Variants in TADA3 observed in about 807,000 individuals in gnomAD.
TADA3 encodes transcriptional adaptor 3.
A neutral mutation model predicts 43.2 loss-of-function variants in TADA3; 25 were observed. The ratio of observed to expected loss-of-function variants is 0.58; its 90% CI spans 0.42 to 0.81. The LOEUF is 0.81. Among genes scored for constraint, TADA3 ranks in the 30% least tolerant of loss-of-function variants. TADA3 has a pLI of 0.00. For synonymous variants in TADA3, 235 were observed against 225.5 expected (o/e 1.04, Z -0.38); for missense variants, 441 against 567.8 (o/e 0.78, Z 2.27).
intron 6 of TADA3, among the ~76,000 whole-genome samples, chr3:9,786,652 G>A (rs1033518951): frequency 1.3e-5 from 2 of 152,160 alleles, no homozygotes; most frequent in South Asian, 2.1e-4. Context: ...CCCTCCAACA[G>A]ATGCTTAGCA....
chr3:9,789,969 A>G lies in TADA3; in HGVS notation c.208-6T>C. The G allele has an allele frequency of 6.3e-7, 1 of 1,581,744 alleles. No individual in the cohort carries two copies. The highest frequency in any genetic ancestry group is 8.6e-7 in the Non-Finnish European group (1 of 1,165,246). On this transcript the variant is annotated splice_region_variant and splice_polypyrimidine_tract_variant and intron_variant, in intron 2 of 8. Transcript: ENST00000301964. ...TCCTGCCAGTCGGTGAGGATCTGAA[A>G]TTTACAGAAAGTGTCACTGAGGGGG...
At chr3:9,790,315 G>A (rs770249380) in intron 2 of TADA3, among the ~76,000 whole-genome samples, 11 of 152,216 alleles carry the variant, frequency 7.2e-5, no homozygotes, top group Non-Finnish European at 4.4e-5. Context: ...CAGTTACCCA[G>A]GTTCTTAGAT....
chr3:9,790,419 G>C (rs1442736731), intron 2 of TADA3, among the ~76,000 whole-genome samples: 1 of 152,132 alleles, frequency 6.6e-6, no homozygotes, highest in Non-Finnish European at 1.5e-5. Context: ...GGTCCAGTTG[G>C]CACCTCCTTC....
chr3:9,791,506 G>A lies in TADA3; in HGVS notation c.-27-13C>T, dbSNP rs1468229842. 1.3e-6 allele frequency: 2 copies of A among 1,513,660 alleles called. No homozygotes were observed. Among genetic ancestry groups the A allele is most frequent in the South Asian group, 2.4e-5 (2 of 82,350 alleles). 93.8% of individuals were successfully genotyped at this position (1,513,660 alleles called of 1,614,324 possible). ...GGATCCTGTGGAGCTGGAGAGGACAGGGCCATTGATGGGAGACAAAGTGGT... is the reference window on the plus strand; with the variant it reads ...GGATCCTGTGGAGCTGGAGAGGACAAGGCCATTGATGGGAGACAAAGTGGT... On this transcript the variant is annotated splice_polypyrimidine_tract_variant and intron_variant, in intron 1 of 8. Coordinates refer to ENST00000301964, the MANE Select transcript of TADA3 (RefSeq NM_006354.5).
chr3:9,787,501 T>G, intron 4 of TADA3, 161 bp from the exon 5 acceptor site: 1 of 1,093,032 alleles, frequency 9.1e-7, no homozygotes, highest in African/African-American at 1.6e-5. Flanking sequence ...ATAAAACCTG[T>G]ACTTCACACT....
chr3:9,782,866 T>C (rs2078511924), intron 8 of TADA3, among the ~76,000 whole-genome samples: 2 of 151,768 alleles, frequency 1.3e-5, no homozygotes, highest in African/African-American at 4.8e-5. Flanking sequence ...GACACAGCAC[T>C]TGTCTGTGAG....
At chr3:9,785,487 G>C (rs1368310587) in intron 6 of TADA3, 62 bp from the exon 7 acceptor site, 1 of 1,082,628 alleles carries the variant, frequency 9.2e-7, no homozygotes, top group African/African-American at 1.5e-5. Flanking sequence ...GCTCCTTTCT[G>C]ACCTACACTG....
upstream of TADA3, chr3:9,792,894 G>A: frequency 2.1e-6 from 3 of 1,397,732 alleles, no homozygotes; most frequent in Non-Finnish European, 2.8e-6. Context: ...TCCTGGAGGA[G>A]CTTAAATAGT....
At chr3:9,785,495 C>T (rs1221012970) in intron 6 of TADA3, 70 bp from the exon 7 acceptor site, 16 of 1,045,220 alleles carry the variant, frequency 1.5e-5, no homozygotes, top group Middle Eastern at 2.0e-4. Flanking sequence ...CTGACCTACA[C>T]TGACAGTCTT....
intron 2 of TADA3, 101 bp downstream of exon 2, chr3:9,791,159 C>A: frequency 8.1e-7 from 1 of 1,239,268 alleles, no homozygotes; most frequent in Non-Finnish European, 1.1e-6. Context: ...TCCCCACAAA[C>A]CCCTGTACCC....
Position 9,786,991 on chromosome 3 carries a change from G to A in TADA3, c.810+15C>T. 6.2e-7 allele frequency: 1 copy of A among 1,608,322 alleles called. No homozygotes were observed. The highest frequency in any genetic ancestry group is 8.5e-7 in the Non-Finnish European group (1 of 1,174,904). ...CAAAGTAAATATGGTTCCTCTTTTG[G>A]GTTAGGCTGCTCACCTCCACCAGGG... On this transcript the variant is annotated intron_variant, in intron 6 of 8. Coordinates refer to ENST00000301964, the MANE Select transcript of TADA3 (RefSeq NM_006354.5).
At chr3:9,781,476 G>A (rs1428426944) in intron 8 of TADA3, 1 of 454,444 alleles carries the variant, frequency 2.2e-6, no homozygotes, top group Non-Finnish European at 4.4e-6. Context: ...GGAGCAGGCT[G>A]GGGCCAAACT....
At chr3:9,785,188 G>C in intron 7 of TADA3, 128 bp downstream of exon 7, 1 of 649,730 alleles carries the variant, frequency 1.5e-6, no homozygotes, top group East Asian at 2.7e-5. Flanking sequence ...ACTCACACTT[G>C]AGACTGCTAT....
Position 9,787,050 on chromosome 3 carries a change from G to C in TADA3, c.766C>G (p.Pro256Ala). ...AGGCGCTGCGTCAGGGCACCAAAGG[G>C]GCATCCATCTTCCGGCTGTTCATGC... ...AQHEQPEDGC[P>A]FGALTQRLLQ... The change falls in exon 6 of 9, where the codon CCC becomes GCC. Residue 256 changes from proline to alanine, a missense_variant. By Grantham distance (27) the Pro-to-Ala change is conservative. Transcript: ENST00000301964. 6.2e-7 allele frequency: 1 copy of C among 1,614,184 alleles called. No homozygotes were observed. The highest frequency in any genetic ancestry group is 1.1e-5 in the South Asian group (1 of 91,086).
chr3:9,790,243 G>A (rs568327103), intron 2 of TADA3, among the ~76,000 whole-genome samples: 29 of 152,168 alleles, frequency 1.9e-4, no homozygotes, highest in Non-Finnish European at 3.4e-4. Flanking sequence ...CTGTTTAACA[G>A]AAGAGTCCTC....
At position 9,787,560 on chromosome 3, in the gene TADA3, C is replaced by T; in HGVS notation, c.565-220G>A. 23 of 981,436 alleles carry T rather than the reference C, an allele frequency of 2.3e-5. No individual in the cohort carries two copies. In the South Asian group the frequency reaches 3.9e-4, roughly 17 times the overall value. The allele number at this position is 981,436 out of a possible 1,614,324, so 60.8% of individuals were successfully genotyped here. ...AAGAACTAAGACACACACACAGAAG[C>T]CAATCTGAAATAATTCCCAAGATAG... On this transcript the variant is annotated intron_variant, in intron 4 of 8. Coordinates refer to ENST00000301964, the MANE Select transcript of TADA3 (RefSeq NM_006354.5).
rs752851731 is a variant in TADA3, at chr3:9,787,102, A to C, written c.714T>G (p.Asp238Glu). ...GGGCCTCAGACTTCTTCAGCAGGGC[A>C]TCCACATCTAAGCGGGCACAGGAAA... Reference protein sequence around the residue: ...PLTELDTKDVDALLKKSEAQH... With the variant: ...PLTELDTKDVEALLKKSEAQH... Residue 238 changes from aspartate to glutamate, a missense_variant, in exon 6 of 9, where the codon GAT (aspartate) becomes GAG (glutamate). Transcript: ENST00000301964. 20 of 1,614,224 alleles carry C rather than the reference A, an allele frequency of 1.2e-5. No individual in the cohort carries two copies. The highest frequency in any genetic ancestry group is 1.7e-5 in the Non-Finnish European group (20 of 1,180,038).
chr3:9,783,905 T>TCCAGGTGATTTAGAGGCC, intron 8 of TADA3, 123 bp downstream of exon 8: 1 of 1,414,230 alleles, frequency 7.1e-7, no homozygotes, highest in East Asian at 2.6e-5. Context: ...TTTTCGAGGC[T>TCCAGGTGATTTAGAGGCC]CTCCAGGTGA....
chr3:9,786,132 G>C (rs973939414), intron 6 of TADA3, among the ~76,000 whole-genome samples: 1 of 152,112 alleles, frequency 6.6e-6, no homozygotes, highest in Admixed American at 6.6e-5. Flanking sequence ...GTAGAGACGG[G>C]GTTTCATCAT....
Sources: allele counts gnomAD v4.1 joint callset (sites outside exome capture counted in the v4.1 genomes callset), GRCh38; gene constraint gnomAD v4.1.1; transcripts MANE v1.5; gene names NCBI Gene and HGNC (gene_info 2026-07-23, HGNC 2026-07-21).